The following TBL1XR1 variants were observed in gnomAD, a reference collection of about 807,000 sequenced individuals.
TBL1XR1 encodes the protein F-box-like/WD repeat-containing protein TBL1XR1.
Under a neutral mutation model 66.9 loss-of-function variants are expected in TBL1XR1, and 5 were observed. That is an observed-to-expected ratio of 0.07 (90% CI 0.04 to 0.16). The LOEUF (loss-of-function observed/expected upper bound fraction) is 0.16. TBL1XR1 is among the 10% of genes least tolerant of loss of function. The probability of loss-of-function intolerance (pLI) is 1.00; values close to 1 mark genes in which losing one functional copy is unlikely to be tolerated. For synonymous variants in TBL1XR1, 210 were observed against 206.0 expected, an observed-to-expected ratio of 1.02 and a Z score of -0.17; for missense variants, 238 against 623.2, an observed-to-expected ratio of 0.38 and a Z score of 6.58.
chr3:177,196,870 G>A (rs1008899233), intron 1 of TBL1XR1, among the ~76,000 whole-genome samples: 10 of 151,904 alleles, frequency 6.6e-5, no homozygotes, highest in African/African-American at 2.4e-4. Context: ...AAAGGGTAGG[G>A]GGGTGGGCAG....
intron 1 of TBL1XR1, among the ~76,000 whole-genome samples, chr3:177,109,492 G>C (rs968045323): frequency 6.6e-6 from 1 of 152,146 alleles, no homozygotes. Flanking sequence ...TGGGAAGAAA[G>C]AAGAGGTGGG....
chr3:177,063,486 G>A (rs894097156), intron 3 of TBL1XR1, among the ~76,000 whole-genome samples: 10 of 152,126 alleles, frequency 6.6e-5, no homozygotes. Flanking sequence ...GGCTTAAAAG[G>A]TGATTAAATT....
intron 10 of TBL1XR1, chr3:177,041,268 A>G (rs953444890): frequency 6.6e-6 from 1 of 152,360 alleles, no homozygotes; most frequent in African/African-American, 2.4e-5. Context: ...GCTGCTCTGT[A>G]TCCAAGCTGG....
chr3:177,070,855 A>T (rs986454168), intron 2 of TBL1XR1, among the ~76,000 whole-genome samples: 1 of 151,512 alleles, frequency 6.6e-6, no homozygotes, highest in South Asian at 2.1e-4. Flanking sequence ...CAAAAAAAAA[A>T]TAAATAAATA....
At chr3:177,174,789 C>G (rs531458273) in intron 1 of TBL1XR1, among the ~76,000 whole-genome samples, 69 of 152,290 alleles carry the variant, frequency 4.5e-4, no homozygotes, top group African/African-American at 1.6e-3. Flanking sequence ...CCCTTCCCTC[C>G]CAAATCCTCA....
chr3:177,171,702 C>CAAAAAAAAAAA (rs34278942), intron 1 of TBL1XR1, among the ~76,000 whole-genome samples: 1 of 47,296 alleles, frequency 2.1e-5, no homozygotes, highest in Non-Finnish European at 3.6e-5. Flanking sequence ...GACTCCGTCT[C>CAAAAAAAAAAA]AAAAAAAAAA....
At chr3:177,077,041 G>A (rs1415194397) in intron 2 of TBL1XR1, among the ~76,000 whole-genome samples, 1 of 152,194 alleles carries the variant, frequency 6.6e-6, no homozygotes, top group Non-Finnish European at 1.5e-5. Flanking sequence ...CTATCCAAAT[G>A]AGCAGACAAC....
chr3:177,132,091 T>C (rs1728369093), intron 1 of TBL1XR1, among the ~76,000 whole-genome samples: 1 of 152,196 alleles, frequency 6.6e-6, no homozygotes, highest in Non-Finnish European at 1.5e-5. Context: ...CTATGGCCTG[T>C]CTGTACCGGC....
At chr3:177,122,440 T>C (rs1407676797) in intron 1 of TBL1XR1, among the ~76,000 whole-genome samples, 1 of 152,104 alleles carries the variant, frequency 6.6e-6, no homozygotes, top group African/African-American at 2.4e-5. Context: ...AATTGCAAAG[T>C]AATGACCGAA....
intron 12 of TBL1XR1, among the ~76,000 whole-genome samples, chr3:177,036,383 C>A (rs1037929288): frequency 6.6e-6 from 1 of 152,234 alleles, no homozygotes; most frequent in South Asian, 2.1e-4. Flanking sequence ...GGCATTCCCT[C>A]TTCTCAGAAA....
rs1027960523 is a variant in TBL1XR1, at chr3:177,197,334, G to T, written c.-335C>A. ...AGCGCGGCGCGGGTCCCCAGGTGGC[G>T]AGCGGAGGTGCTCCCGCCGCGGGGG... is the stretch of plus-strand genomic sequence containing the variant. On this transcript the variant is annotated 5_prime_UTR_variant, in exon 1 of 16. Coordinates refer to ENST00000457928, the MANE Select transcript of TBL1XR1 (RefSeq NM_024665.7). 6.8e-6 allele frequency: 1 copy of T among 146,838 alleles called. No individual in the cohort carries two copies. The highest frequency in any genetic ancestry group is 1.5e-5 in the Non-Finnish European group (1 of 65,812). The allele number at this position is 146,838 out of a possible 1,614,324, so 9.1% of individuals were successfully genotyped here. A position where few individuals can be genotyped will look rare whatever the true frequency, so the allele number is the denominator to read the frequency against.
chr3:177,172,657 G>GAA (rs1205604389), intron 1 of TBL1XR1, among the ~76,000 whole-genome samples: 2,992 of 124,198 alleles, frequency 0.024, 134 homozygotes, highest in African/African-American at 0.075. Context: ...GAAAGAGAGA[G>GAA]AGAGAGAAGG....
intron 10 of TBL1XR1, 67 bp from the exon 11 acceptor site, chr3:177,038,501 TG>T (rs1715123249): frequency 2.1e-6 from 3 of 1,395,992 alleles, no homozygotes; most frequent in Admixed American, 3.0e-5. Flanking sequence ...GTTTTAGCTT[TG>T]AACCATTGTT....
At chr3:177,072,224 A>G (rs1248393512) in intron 2 of TBL1XR1, among the ~76,000 whole-genome samples, 1 of 152,216 alleles carries the variant, frequency 6.6e-6, no homozygotes, top group African/African-American at 2.4e-5. Flanking sequence ...AAATGTGATC[A>G]ACTTTTTATT....
chr3:177,061,011 A>G (rs1465170268), intron 3 of TBL1XR1, among the ~76,000 whole-genome samples: 6 of 152,248 alleles, frequency 3.9e-5, no homozygotes, highest in Non-Finnish European at 5.9e-5. Context: ...CACTTCATAA[A>G]AAGGCAGAAT....
intron 1 of TBL1XR1, among the ~76,000 whole-genome samples, chr3:177,140,939 A>G (rs1729559069): frequency 6.6e-6 from 1 of 152,186 alleles, no homozygotes. Flanking sequence ...AGTGTATATT[A>G]TATATGGCCC....
chr3:177,094,771 G>C (rs1577146566), intron 2 of TBL1XR1, among the ~76,000 whole-genome samples: 1 of 152,104 alleles, frequency 6.6e-6, no homozygotes. Flanking sequence ...GAAGCTATGA[G>C]GAGGATGCAA....
chr3:177,132,779 C>A (rs910996369), intron 1 of TBL1XR1, among the ~76,000 whole-genome samples: 1 of 152,120 alleles, frequency 6.6e-6, no homozygotes, highest in African/African-American at 2.4e-5. Context: ...TACAGAGTGG[C>A]AAGCAATAAA....
At chr3:177,103,270 G>C (rs1202782188) in intron 1 of TBL1XR1, among the ~76,000 whole-genome samples, 1 of 152,118 alleles carries the variant, frequency 6.6e-6, no homozygotes, top group East Asian at 1.9e-4. Flanking sequence ...AGAAGTACAT[G>C]ATCAATCACA....
Sources: allele counts gnomAD v4.1 joint callset (sites outside exome capture counted in the v4.1 genomes callset), GRCh38; gene constraint gnomAD v4.1.1; transcripts MANE v1.5; gene names NCBI Gene and HGNC (gene_info 2026-07-23, HGNC 2026-07-21).